PHF14: variants seen among roughly 807,000 people sequenced by gnomAD.
PHF14 encodes PHD finger protein 14.
In PHF14, 55 loss-of-function variants were observed where a neutral mutation model predicts 117.9. The ratio of observed to expected loss-of-function variants is 0.47; its 90% CI spans 0.38 to 0.58. PHF14 has a LOEUF of 0.58. Ranked by LOEUF, PHF14 falls within the 20% of genes least tolerant of loss-of-function variation. The pLI is 0.00. For synonymous variants in PHF14, 409 were observed against 368.6 expected (o/e 1.11, Z -1.26); for missense variants, 978 against 1,122.2 (o/e 0.87, Z 1.84).
At chr7:11,122,351 A>G (rs1787783794) in intron 17 of PHF14, among the ~76,000 whole-genome samples, 1 of 80,868 alleles carries the variant, frequency 1.2e-5, no homozygotes, top group East Asian at 6.1e-4. Context: ...ATATATATAT[A>G]TACACACACA....
chr7:10,974,675 C>T (rs1781801702), intron 1 of PHF14, among the ~76,000 whole-genome samples, 160 bp from the exon 2 acceptor site: 1 of 152,138 alleles, frequency 6.6e-6, no homozygotes, highest in Admixed American at 6.5e-5. Context: ...CCCTCCCCAC[C>T]CTGCTTCTGC....
At chr7:11,064,147 T>C (rs893270548) in intron 16 of PHF14, among the ~76,000 whole-genome samples, 2 of 151,928 alleles carry the variant, frequency 1.3e-5, no homozygotes, top group Non-Finnish European at 2.9e-5. Context: ...TAATGTGATC[T>C]TTAAAAAAAA....
chr7:11,167,888 G>T (rs901490021), intron 17 of PHF14, among the ~76,000 whole-genome samples: 1 of 151,956 alleles, frequency 6.6e-6, no homozygotes, highest in African/African-American at 2.4e-5. Context: ...AATTAGCCGG[G>T]CGTGGTGGTG....
intron 9 of PHF14, 21 bp from the exon 10 acceptor site, chr7:11,036,964 T>C: frequency 2.1e-6 from 3 of 1,442,588 alleles, no homozygotes; most frequent in Non-Finnish European, 2.8e-6. Context: ...TAAAGTAAAA[T>C]TCGATATTTC....
chr7:11,030,593 A>T (rs1302404962), intron 7 of PHF14, among the ~76,000 whole-genome samples: 1 of 152,196 alleles, frequency 6.6e-6, no homozygotes, highest in Admixed American at 6.5e-5. Context: ...ATTAAGCTAC[A>T]TAGTTTACAT....
chr7:11,090,836 C>T (rs1786615773), intron 16 of PHF14, among the ~76,000 whole-genome samples: 1 of 152,092 alleles, frequency 6.6e-6, no homozygotes. Context: ...AAGAAGTCTT[C>T]ATATAAACCA....
At chr7:11,029,405 G>A (rs1249761432) in intron 7 of PHF14, among the ~76,000 whole-genome samples, 1 of 152,126 alleles carries the variant, frequency 6.6e-6, no homozygotes, top group Non-Finnish European at 1.5e-5. Flanking sequence ...GTTCTTTCAT[G>A]AGTATTAGTG....
At chr7:11,066,516 C>T (rs923580251) in intron 16 of PHF14, among the ~76,000 whole-genome samples, 15 of 152,078 alleles carry the variant, frequency 9.9e-5, no homozygotes, top group African/African-American at 3.4e-4. Flanking sequence ...GTGACAAAAA[C>T]TTTCTTCTTT....
In PHF14 at chr7:10,982,466, A is replaced by G. The variant is rs1428980021; in HGVS notation, c.207A>G (p.Glu69=). The G allele has an allele frequency of 6.3e-7, 1 of 1,589,862 alleles. No homozygotes were observed. The highest frequency in any genetic ancestry group is 1.3e-5 in the African/African-American group (1 of 74,202). The change falls in exon 3 of 18, where the codon GAA becomes GAG. Residue 69 remains glutamate, a synonymous_variant. Coordinates refer to ENST00000634607, the MANE Select transcript of PHF14 (RefSeq NM_001007157.2). ...SDSEENILEE[E]LNEDIKVKEE... is the part of the protein sequence containing the mutation. ...CTGAAGAAAATATTTTAGAAGAAGA[A>G]CTGAATGAAGATATTAAAGTAAAAG...
At chr7:11,047,952 AG>A (rs1212185123) in intron 13 of PHF14, among the ~76,000 whole-genome samples, 1 of 31,906 alleles carries the variant, frequency 3.1e-5, no homozygotes. Flanking sequence ...AGAGGGAGGG[AG>A]GGGGAGGGAG....
rs71023888 is a variant in PHF14, at chr7:11,089,761, C to CTTTTTT, written c.2655-21568_2655-21563dup. ...TTTAGTGTAGAATTGTTCATGCATT[C>CTTTTTT]TTTTTTTTTTTTTTTTTTTTTTTTT... On this transcript the variant is annotated intron_variant, in intron 16 of 17. Transcript: ENST00000634607. Among the ~76,000 whole-genome samples, 2 of 97,894 alleles carry CTTTTTT rather than the reference C, an allele frequency of 2.0e-5. 1 individual carries two copies. The highest frequency in any genetic ancestry group is 4.0e-5 in the Non-Finnish European group (2 of 49,500). 64.2% of individuals were successfully genotyped at this position (97,894 alleles called of 152,430 possible).
At chr7:10,978,746 C>T (rs1352139913) in intron 2 of PHF14, among the ~76,000 whole-genome samples, 1 of 152,122 alleles carries the variant, frequency 6.6e-6, no homozygotes, top group Non-Finnish European at 1.5e-5. Flanking sequence ...CCAGCCTCAC[C>T]TCCACCTCCA....
intron 17 of PHF14, among the ~76,000 whole-genome samples, chr7:11,131,427 C>T (rs1193627940): frequency 6.6e-6 from 1 of 151,878 alleles, no homozygotes; most frequent in African/African-American, 2.4e-5. Context: ...TTTTCATATG[C>T]TTATTTGCCA....
chr7:11,048,527 AT>A (rs1467409728), intron 13 of PHF14, among the ~76,000 whole-genome samples: 1 of 152,200 alleles, frequency 6.6e-6, no homozygotes, highest in African/African-American at 2.4e-5. Context: ...GCCTTAGATC[AT>A]GCCACTGCAC....
At chr7:11,033,122 G>A (rs890578712) in intron 7 of PHF14, among the ~76,000 whole-genome samples, 2 of 152,178 alleles carry the variant, frequency 1.3e-5, no homozygotes, top group African/African-American at 4.8e-5. Flanking sequence ...TCCACTGGGA[G>A]TAGGATCTTG....
At chr7:11,049,655 C>T (rs1401953731) in intron 13 of PHF14, among the ~76,000 whole-genome samples, 3 of 151,992 alleles carry the variant, frequency 2.0e-5, no homozygotes, top group East Asian at 3.9e-4. Context: ...AAGGCTGTTG[C>T]ATTTATTATT....
At chr7:11,007,205 A>G (rs1371616208) in intron 4 of PHF14, among the ~76,000 whole-genome samples, 1 of 152,088 alleles carries the variant, frequency 6.6e-6, no homozygotes, top group African/African-American at 2.4e-5. Flanking sequence ...CAAAAAAAAA[A>G]GAAAGAAAAG....
chr7:10,976,357 C>T (rs1365708587), intron 2 of PHF14, among the ~76,000 whole-genome samples: 1 of 152,098 alleles, frequency 6.6e-6, no homozygotes, highest in Non-Finnish European at 1.5e-5. Flanking sequence ...AAATTTAAAT[C>T]TTAGTTCTCT....
chr7:11,169,375 TA>T (rs1789299725), intron 17 of PHF14, 40 bp from the exon 18 acceptor site: 2 of 960,962 alleles, frequency 2.1e-6, no homozygotes, highest in Non-Finnish European at 3.1e-6. Context: ...ATAAATGCTC[TA>T]AAGTTTATAT....
Sources: gnomAD v4.1 joint callset for allele counts (sites outside exome capture counted in the v4.1 genomes callset) on GRCh38, gnomAD v4.1.1 for gene constraint, MANE v1.5 for transcripts, NCBI Gene and HGNC (gene_info 2026-07-23, HGNC 2026-07-21) for gene names.